Variants in ASTN2 observed in about 807,000 individuals in gnomAD.
The protein encoded by ASTN2 is astrotactin-2.
In ASTN2, 54 loss-of-function variants were observed where a neutral mutation model predicts 139.8. The ratio of observed to expected loss-of-function variants is 0.39; its 90% CI spans 0.31 to 0.48. ASTN2 has a LOEUF of 0.48. Among genes scored for constraint, ASTN2 ranks in the 20% least tolerant of loss-of-function variants. The pLI is 0.95. For missense variants in ASTN2, 1,565 were observed against 1,725.1 expected (o/e 0.91, Z 1.64); for synonymous variants, 756 against 719.5 (o/e 1.05, Z -0.81).
rs1463820806 is a variant in ASTN2, at chr9:116,831,636, T to C, written c.2041-10853A>G. The stretch of plus-strand genomic sequence containing the variant: ...AATGAATAAAGATAAAAGTATAATA[T>C]GATAAAAAGTTAACGAGGATGGGGT... On this transcript the variant is annotated intron_variant, in intron 11 of 22. Transcript: ENST00000313400. Among the ~76,000 whole-genome samples, 4 of 152,100 alleles carry C rather than the reference T, an allele frequency of 2.6e-5. No individual in the cohort carries two copies. In the East Asian group the frequency reaches 7.7e-4, roughly 29 times the overall value.
rs1323568722 is a variant in ASTN2, at chr9:117,386,066, C to G, written c.442+28431G>C. Among the ~76,000 whole-genome samples the G allele has an allele frequency of 4.6e-5, 7 of 152,064 alleles. No individual in the cohort carries two copies. The South Asian group carries it at 1.5e-3, about 32-fold the overall frequency. On this transcript the variant is annotated intron_variant, in intron 1 of 22. Coordinates refer to ENST00000313400, the MANE Select transcript of ASTN2 (RefSeq NM_001365068.1). ...CCTGTCCCTTTCTCCACTGCCAGCTCTAAGTTGCTAAGGTTACCTTCTTAA... is the reference window on the plus strand; with the variant it reads ...CCTGTCCCTTTCTCCACTGCCAGCTGTAAGTTGCTAAGGTTACCTTCTTAA...
chr9:116,537,773 C>CA (rs961805598), intron 19 of ASTN2, among the ~76,000 whole-genome samples: 3 of 152,060 alleles, frequency 2.0e-5, no homozygotes, highest in African/African-American at 2.4e-5. Flanking sequence ...AACATAGAAT[C>CA]AAAAAATCAA....
chr9:117,018,918 C>T (rs750138662), intron 6 of ASTN2, among the ~76,000 whole-genome samples: 1 of 152,038 alleles, frequency 6.6e-6, no homozygotes, highest in Non-Finnish European at 1.5e-5. Flanking sequence ...GTTAACTGTA[C>T]ATGTCCTAAA....
intron 19 of ASTN2, among the ~76,000 whole-genome samples, chr9:116,562,733 TAAAAAAAAAA>T (rs35878476): frequency 1.6e-5 from 1 of 64,466 alleles, no homozygotes; most frequent in Admixed American, 2.3e-4. Flanking sequence ...ACTGCCTCAT[TAAAAAAAAAA>T]AAAAAAAAAA....
At chr9:116,511,940 T>A (rs931811298) in intron 19 of ASTN2, among the ~76,000 whole-genome samples, 1 of 149,814 alleles carries the variant, frequency 6.7e-6, no homozygotes, top group South Asian at 2.1e-4. Context: ...TTTGTTGATC[T>A]TTTCAAAAAA....
chr9:116,929,099 A>G (rs1273075658), intron 10 of ASTN2, among the ~76,000 whole-genome samples: 1 of 152,202 alleles, frequency 6.6e-6, no homozygotes, highest in Non-Finnish European at 1.5e-5. Context: ...GCAGAATGTC[A>G]GTGTTGGAAA....
chr9:117,052,669 G>T (rs755968899), intron 5 of ASTN2, among the ~76,000 whole-genome samples: 61 of 152,278 alleles, frequency 4.0e-4, no homozygotes, highest in Non-Finnish European at 7.5e-4. Flanking sequence ...AGTAAGGAAA[G>T]GTCCAAACAC....
chr9:116,783,140 G>A (rs202142007), intron 13 of ASTN2, among the ~76,000 whole-genome samples: 16 of 152,072 alleles, frequency 1.1e-4, no homozygotes, highest in Non-Finnish European at 1.5e-4. Context: ...GGCTTTCTGC[G>A]TCTCTATCAC....
intron 2 of ASTN2, among the ~76,000 whole-genome samples, chr9:117,288,670 T>C (rs1305105786): frequency 1.3e-5 from 2 of 152,174 alleles, no homozygotes; most frequent in Non-Finnish European, 2.9e-5. Flanking sequence ...CCCAGCCATC[T>C]TAAATGTAAA....
chr9:117,041,774 C>T (rs1015955602), intron 5 of ASTN2, among the ~76,000 whole-genome samples: 4 of 152,190 alleles, frequency 2.6e-5, no homozygotes, highest in African/African-American at 9.7e-5. Flanking sequence ...TACTGCAGTG[C>T]TCCTACCATT....
intron 6 of ASTN2, among the ~76,000 whole-genome samples, chr9:117,038,564 G>T (rs1838461240): frequency 1.3e-5 from 2 of 152,116 alleles, no homozygotes; most frequent in South Asian, 2.1e-4. Flanking sequence ...GATTTCATGG[G>T]TATTTACTTA....
At chr9:117,128,330 A>G (rs10983539) in intron 4 of ASTN2, among the ~76,000 whole-genome samples, 143,689 of 144,344 alleles carry the variant, frequency 1, 71,524 homozygotes, top group Middle Eastern at 1. Flanking sequence ...GCCAGATCCC[A>G]TCACTGCACT....
rs1245669890 is a variant in ASTN2 at position 117,414,702 on chromosome 9, G to T, written c.237C>A (p.Ser79Arg). 8.0e-7 allele frequency: 1 copy of T among 1,257,146 alleles called. No homozygotes were observed. The highest frequency in any genetic ancestry group is 1.0e-6 in the Non-Finnish European group (1 of 1,002,560). The allele number at this position is 1,257,146 out of a possible 1,614,324, so 77.9% of individuals were successfully genotyped here. A position where few individuals can be genotyped will look rare whatever the true frequency, so the allele number is the denominator to read the frequency against. ...CGCGGGCGCCGCTCCAGCCGATGTCGCTCTCCCGCAGGGCGGGCAGTGTGG... is the reference window on the plus strand; with the variant it reads ...CGCGGGCGCCGCTCCAGCCGATGTCTCTCTCCCGCAGGGCGGGCAGTGTGG... Reference protein sequence around the residue: ...TVSTLPALRESDIGWSGARAG... With the variant: ...TVSTLPALRERDIGWSGARAG... The change falls in exon 1 of 23, where the codon AGC (serine) becomes AGA (arginine). Residue 79 changes from serine to arginine, a missense_variant. Ser to Arg is a moderately radical substitution (Grantham distance 110). This residue lies in a region of ASTN2 where 596 missense variants were observed against 576.8 expected (regional missense o/e 1.03). Coordinates refer to ENST00000313400, the MANE Select transcript of ASTN2 (RefSeq NM_001365068.1). This position sits in a 1 kb window ranked among gnomAD's most constrained non-coding sequence, Gnocchi z 4.2.
At chr9:117,225,026 A>G (rs1452988180) in intron 2 of ASTN2, among the ~76,000 whole-genome samples, 1 of 152,172 alleles carries the variant, frequency 6.6e-6, no homozygotes, top group Non-Finnish European at 1.5e-5. Flanking sequence ...AGTAGCCCTC[A>G]TTATGTATTT....
At chr9:116,826,982 T>C (rs1342698871) in intron 11 of ASTN2, among the ~76,000 whole-genome samples, 1 of 152,082 alleles carries the variant, frequency 6.6e-6, no homozygotes, top group African/African-American at 2.4e-5. Context: ...CAAAAAATTA[T>C]CACAAATTAA....
At chr9:116,436,017 C>T (rs1489430271) in intron 22 of ASTN2, among the ~76,000 whole-genome samples, 2 of 152,142 alleles carry the variant, frequency 1.3e-5, no homozygotes, top group Non-Finnish European at 1.5e-5. Flanking sequence ...CAAATGCCAC[C>T]GCAATTGCTG....
intron 19 of ASTN2, among the ~76,000 whole-genome samples, chr9:116,592,061 T>C (rs1397892804): frequency 6.6e-6 from 1 of 152,146 alleles, no homozygotes; most frequent in Non-Finnish European, 1.5e-5. Flanking sequence ...TGGCATAGTA[T>C]TTGCATATAG....
chr9:117,261,632 ACT>A (rs1320275156), intron 2 of ASTN2, among the ~76,000 whole-genome samples: 1 of 151,798 alleles, frequency 6.6e-6, no homozygotes, highest in African/African-American at 2.4e-5. Context: ...GTCTCCCATG[ACT>A]CTCTCCTCAT....
intron 2 of ASTN2, among the ~76,000 whole-genome samples, chr9:117,282,338 T>G (rs74368093): frequency 0.015 from 2,261 of 152,342 alleles, 26 homozygotes; most frequent in South Asian, 0.031. Flanking sequence ...TTCTGCATTG[T>G]GCTTTGGCCA....
Sources: allele counts gnomAD v4.1 joint callset (sites outside exome capture counted in the v4.1 genomes callset), GRCh38; gene constraint gnomAD v4.1.1; regional missense constraint gnomAD v4.1.1; non-coding constraint Gnocchi (gnomAD v3.1); transcripts MANE v1.5; gene names NCBI Gene and HGNC (gene_info 2026-07-23, HGNC 2026-07-21).